Variants in LGR5 observed in about 807,000 individuals in gnomAD.
The protein encoded by LGR5 is leucine-rich repeat-containing G protein-coupled receptor 5.
In LGR5, 54 loss-of-function variants were observed where a neutral mutation model predicts 76.7. That is an observed-to-expected ratio of 0.70 (90% CI 0.57 to 0.88). The LOEUF (loss-of-function observed/expected upper bound fraction) is 0.88. LGR5 is among the 40% of genes least tolerant of loss of function. The pLI is 0.00. For synonymous variants in LGR5, 406 were observed against 421.9 expected (o/e 0.96, Z 0.46); for missense variants, 1,078 against 1,073.3 (o/e 1.00, Z -0.06).
intron 6 of LGR5, among the ~76,000 whole-genome samples, chr12:71,558,682 A>T (rs1225186175): frequency 6.6e-6 from 1 of 152,226 alleles, no homozygotes; most frequent in Non-Finnish European, 1.5e-5. Flanking sequence ...TAAATTAAAT[A>T]GCAATTCTCC....
At chr12:71,516,498 C>A (rs1212305456) in intron 2 of LGR5, among the ~76,000 whole-genome samples, 1 of 152,092 alleles carries the variant, frequency 6.6e-6, no homozygotes, top group African/African-American at 2.4e-5. Context: ...AGGTCAAATG[C>A]CCGCTTCCAT....
intron 1 of LGR5, among the ~76,000 whole-genome samples, chr12:71,502,929 A>G (rs2137301143): frequency 6.6e-6 from 1 of 152,348 alleles, no homozygotes; most frequent in South Asian, 2.1e-4. Context: ...TGATTTGCAC[A>G]TCACACAGAA....
intron 2 of LGR5, among the ~76,000 whole-genome samples, chr12:71,509,145 T>C (rs746769179): frequency 9.9e-5 from 15 of 152,116 alleles, no homozygotes; most frequent in Non-Finnish European, 2.1e-4. Flanking sequence ...AAGCCCAGGA[T>C]TCCCATCCTG....
intron 1 of LGR5, among the ~76,000 whole-genome samples, chr12:71,491,788 CA>C (rs1874087385): frequency 6.8e-6 from 1 of 147,284 alleles, no homozygotes. Flanking sequence ...AGACATCTAT[CA>C]CTGTGAATCA....
chr12:71,491,001 G>C lies in LGR5; in HGVS notation c.213-13613G>C, dbSNP rs141665926. Among the ~76,000 whole-genome samples the C allele has an allele frequency of 2.0e-4, 31 of 152,236 alleles. 1 individual carries two copies. In the East Asian group the frequency reaches 5.8e-3, roughly 29 times the overall value. Reference sequence around the variant, plus strand: ...GGAGGTAATTGAATGATGGGGGTGGGTTTTTCCAATGCTGTTCTCCTGATA... The same window carrying C: ...GGAGGTAATTGAATGATGGGGGTGGCTTTTTCCAATGCTGTTCTCCTGATA... On this transcript the variant is annotated intron_variant, in intron 1 of 17. Transcript: ENST00000266674.
chr12:71,455,598 C>A (rs763932131), intron 1 of LGR5, among the ~76,000 whole-genome samples: 104 of 152,304 alleles, frequency 6.8e-4, no homozygotes, highest in Admixed American at 2.0e-3. Context: ...GACCTTCTTT[C>A]TGCCTCTCTC....
chr12:71,453,798 C>A (rs1055749789), intron 1 of LGR5, among the ~76,000 whole-genome samples: 1 of 151,750 alleles, frequency 6.6e-6, no homozygotes, highest in Non-Finnish European at 1.5e-5. Flanking sequence ...GAAAATACAT[C>A]CAAAATAATC....
chr12:71,499,149 T>C (rs1471423514), intron 1 of LGR5, among the ~76,000 whole-genome samples: 2 of 152,140 alleles, frequency 1.3e-5, no homozygotes, highest in African/African-American at 2.4e-5. Flanking sequence ...TCCAGGAAAG[T>C]AAAACAAAAG....
upstream of LGR5, chr12:71,439,755 G>C (rs530257109): frequency 8.3e-5 from 25 of 299,868 alleles, no homozygotes; most frequent in Admixed American, 6.5e-4. Context: ...CGCGCAATTC[G>C]GGCTGGAGCG....
In LGR5 at chr12:71,555,386, G is replaced by T. The variant is rs1877706310; in HGVS notation, c.645-1233G>T. 2.6e-5 allele frequency among the ~76,000 whole-genome samples: 4 copies of T among 152,202 alleles called. 1 individual carries two copies. In the South Asian group the frequency reaches 8.3e-4, roughly 32 times the overall value. ...ATTTTCTAAAATCCTTTTGAGAGTTGGTCCAGTTTTCAGTTGTGCACAGCT... is the reference window on the plus strand; with the variant it reads ...ATTTTCTAAAATCCTTTTGAGAGTTTGTCCAGTTTTCAGTTGTGCACAGCT... On this transcript the variant is annotated intron_variant, in intron 5 of 17. Transcript: ENST00000266674.
intron 2 of LGR5, among the ~76,000 whole-genome samples, chr12:71,507,344 G>A (rs1435674682): frequency 6.6e-6 from 1 of 152,070 alleles, no homozygotes; most frequent in Non-Finnish European, 1.5e-5. Context: ...ACCTAGCACT[G>A]TGATTTCACA....
chr12:71,465,420 G>C (rs774788770), intron 1 of LGR5, among the ~76,000 whole-genome samples: 6 of 152,012 alleles, frequency 3.9e-5, no homozygotes, highest in South Asian at 2.1e-4. Flanking sequence ...TGTTTCAAAG[G>C]CTCCTTTAAC....
intron 8 of LGR5, among the ~76,000 whole-genome samples, chr12:71,562,667 AG>A (rs1184505642): frequency 6.6e-6 from 1 of 152,224 alleles, no homozygotes; most frequent in African/African-American, 2.4e-5. Flanking sequence ...TCTGAGTATG[AG>A]GCTGGCTCTT....
At chr12:71,478,191 G>T (rs1443229820) in intron 1 of LGR5, among the ~76,000 whole-genome samples, 2 of 152,012 alleles carry the variant, frequency 1.3e-5, no homozygotes, top group African/African-American at 4.8e-5. Flanking sequence ...CTTACACTTT[G>T]TAACTTATTA....
intron 1 of LGR5, among the ~76,000 whole-genome samples, chr12:71,487,065 C>T (rs12299051): frequency 0.018 from 2,812 of 152,180 alleles, 100 homozygotes; most frequent in African/African-American, 0.065. Flanking sequence ...TGTTGTCACA[C>T]AAGATGAACA....
Position 71,566,883 on chromosome 12 carries a change from C to T in LGR5, c.1041C>T (p.Val347=). ...AGATCTCATCTCTTCCTCAAACCGT[C>T]TGCAATCAGTTACCTAATCTCCAAG... ...GAQISSLPQT[V]CNQLPNLQVL... The change falls in exon 11 of 18, where the codon GTC becomes GTT. Residue 347 remains valine, a synonymous_variant. Coordinates refer to ENST00000266674, the MANE Select transcript of LGR5 (RefSeq NM_003667.4). 2 of 1,613,786 alleles carry T rather than the reference C, an allele frequency of 1.2e-6. No individual in the cohort carries two copies. Among genetic ancestry groups the T allele is most frequent in the Non-Finnish European group, 1.7e-6 (2 of 1,179,718 alleles).
At chr12:71,513,284 T>C (rs1196293381) in intron 2 of LGR5, among the ~76,000 whole-genome samples, 1 of 152,158 alleles carries the variant, frequency 6.6e-6, no homozygotes, top group Non-Finnish European at 1.5e-5. Context: ...GTAAGAGTAG[T>C]AAGATTGTGC....
intron 15 of LGR5, 23 bp from the exon 16 acceptor site, chr12:71,580,254 TG>T: frequency 1.3e-6 from 2 of 1,577,610 alleles, no homozygotes; most frequent in Non-Finnish European, 1.7e-6. Context: ...AAGTGTTTTT[TG>T]TTTGGGTTTT....
intron 4 of LGR5, among the ~76,000 whole-genome samples, chr12:71,543,512 T>C (rs1176051884): frequency 6.6e-6 from 1 of 152,132 alleles, no homozygotes; most frequent in Non-Finnish European, 1.5e-5. Flanking sequence ...AAAAGAGACT[T>C]GACTGGGACA....
Sources: gnomAD v4.1 joint callset for allele counts (sites outside exome capture counted in the v4.1 genomes callset) on GRCh38, gnomAD v4.1.1 for gene constraint, MANE v1.5 for transcripts, NCBI Gene and HGNC (gene_info 2026-07-23, HGNC 2026-07-21) for gene names.